Variants in OLFML2A observed in about 807,000 individuals in gnomAD.
OLFML2A encodes olfactomedin-like protein 2A.
Under a neutral mutation model 60.9 loss-of-function variants are expected in OLFML2A, and 47 were observed. The ratio of observed to expected loss-of-function variants is 0.77; its 90% CI spans 0.61 to 0.98. OLFML2A has a LOEUF of 0.98. Among genes scored for constraint, OLFML2A ranks in the 50% least tolerant of loss-of-function variants. The probability of loss-of-function intolerance (pLI) is 0.00; values close to 1 mark genes in which losing one functional copy is unlikely to be tolerated. For synonymous variants in OLFML2A, 372 were observed against 375.0 expected, an observed-to-expected ratio of 0.99 and a Z score of 0.09; for missense variants, 922 against 879.8, an observed-to-expected ratio of 1.05 and a Z score of -0.61.
Position 124,807,900 on chromosome 9 carries a change from T to C in OLFML2A, c.1288T>C (p.Tyr430His), listed in dbSNP as rs746009495. The C allele has an allele frequency of 1.2e-6, 2 of 1,614,136 alleles. No individual in the cohort carries two copies. Among genetic ancestry groups the C allele is most frequent in the Admixed American group, 3.3e-5 (2 of 60,016 alleles). The change falls in exon 7 of 8, where the codon TAT (tyrosine) becomes CAT (histidine). Residue 430 changes from tyrosine to histidine, a missense_variant. Coordinates refer to ENST00000373580, the MANE Select transcript of OLFML2A (RefSeq NM_182487.4). ...KDPAARDDRI[Y>H]VTNYYYGNSL... ...CCCTGCAGCTCGAGACGACAGGATC[T>C]ATGTCACCAACTACTACTATGGAAA...
At chr9:124,780,044 C>T (rs553406685) in intron 1 of OLFML2A, among the ~76,000 whole-genome samples, 1 of 152,342 alleles carries the variant, frequency 6.6e-6, no homozygotes, top group South Asian at 2.1e-4. Flanking sequence ...CCTTGCTCAA[C>T]GTGTTTTCAT....
At chr9:124,796,912 A>C (rs1405763573) in intron 3 of OLFML2A, among the ~76,000 whole-genome samples, 1 of 152,244 alleles carries the variant, frequency 6.6e-6, no homozygotes, top group Non-Finnish European at 1.5e-5. Context: ...CCCCAAAAGC[A>C]AACAGCTATC....
intron 2 of OLFML2A, among the ~76,000 whole-genome samples, chr9:124,791,147 G>A (rs914681969): frequency 6.6e-6 from 1 of 152,188 alleles, no homozygotes. Flanking sequence ...TGTGGCCAAG[G>A]GACATCCCAG....
Position 124,799,395 on chromosome 9 carries a change from C to T in OLFML2A, c.573C>T (p.Ile191=). The stretch of plus-strand genomic sequence containing the variant: ...ATCACTCTGCCATCATGCTGGGCAT[C>T]AAGAAGGAGCTGTCCCGCCTGGGCC... ...YENHSAIMLG[I]KKELSRLGLQ... Residue 191 remains isoleucine, a synonymous_variant, in exon 4 of 8, where the codon ATC becomes ATT. Transcript: ENST00000373580. 6.2e-7 allele frequency: 1 copy of T among 1,613,914 alleles called. No individual in the cohort carries two copies. The highest frequency in any genetic ancestry group is 8.5e-7 in the Non-Finnish European group (1 of 1,179,990).
Position 124,813,928 on chromosome 9 carries a change from A to G in OLFML2A, c.*3516A>G, listed in dbSNP as rs1842069487. The G allele has an allele frequency of 6.6e-6, 1 of 152,144 alleles. No homozygotes were observed. The highest frequency in any genetic ancestry group is 1.5e-5 in the Non-Finnish European group (1 of 68,032). The allele number at this position is 152,144 out of a possible 1,614,324, so 9.4% of individuals were successfully genotyped here. Reference sequence around the variant, plus strand: ...GCTTTTGGCAAAAGGTACTTCAAACAAGGGAGGGCCTGGACTGAGGGGGAC... The same window carrying G: ...GCTTTTGGCAAAAGGTACTTCAAACGAGGGAGGGCCTGGACTGAGGGGGAC... On this transcript the variant is annotated 3_prime_UTR_variant, in exon 8 of 8. Coordinates refer to ENST00000373580, the MANE Select transcript of OLFML2A (RefSeq NM_182487.4).
chr9:124,813,597 C>T lies in OLFML2A; in HGVS notation c.*3185C>T, dbSNP rs1842061973. 6.6e-6 allele frequency: 1 copy of T among 152,210 alleles called. No individual in the cohort carries two copies. The highest frequency in any genetic ancestry group is 1.5e-5 in the Non-Finnish European group (1 of 68,054). The allele number at this position is 152,210 out of a possible 1,614,324, so 9.4% of individuals were successfully genotyped here. A position where few individuals can be genotyped will look rare whatever the true frequency, so the allele number is the denominator to read the frequency against. On this transcript the variant is annotated 3_prime_UTR_variant, in exon 8 of 8. Coordinates refer to ENST00000373580, the MANE Select transcript of OLFML2A (RefSeq NM_182487.4). The stretch of plus-strand genomic sequence containing the variant: ...CAGAAACGGAGGCTGTTGCTTTTAT[C>T]CCTAAACTGCATCCACAGAGAAGCC...
At position 124,780,659 on chromosome 9, in the gene OLFML2A, C is replaced by T. The variant is rs118092321; in HGVS notation, c.90+3299C>T. On this transcript the variant is annotated intron_variant, in intron 1 of 7. Coordinates refer to ENST00000373580, the MANE Select transcript of OLFML2A (RefSeq NM_182487.4). ...GACTGTGAGGCCAGGCCAAGCCCTA[C>T]TGGGTGTCTCTGCAAGGAGGGTCTT... 1.1e-4 allele frequency among the ~76,000 whole-genome samples: 17 copies of T among 152,348 alleles called. No individual in the cohort carries two copies. The East Asian group carries it at 3.3e-3, about 29-fold the overall frequency.
At position 124,795,026 on chromosome 9, in the gene OLFML2A, G is replaced by A. The variant is rs775386285; in HGVS notation, c.357G>A (p.Leu119=). 16 of 1,588,238 alleles carry A rather than the reference G, an allele frequency of 1.0e-5. No individual in the cohort carries two copies. The highest frequency in any genetic ancestry group is 1.1e-5 in the South Asian group (1 of 88,484). ...LKKQAPELLK[L]QSMVDLLEGT... is the part of the protein sequence containing the mutation. ...AACCATCCCCCTTCCCCGGGCAGCT[G>A]CAGTCCATGGTGGATCTCCTGGAGG... Residue 119 remains leucine, a splice_region_variant and synonymous_variant, in exon 3 of 8, where the codon CTG becomes CTA. Transcript: ENST00000373580.
chr9:124,779,635 G>A lies in OLFML2A; in HGVS notation c.90+2275G>A, dbSNP rs996260350. Among the ~76,000 whole-genome samples the A allele has an allele frequency of 6.6e-6, 1 of 152,048 alleles. No individual in the cohort carries two copies. The highest frequency in any genetic ancestry group is 2.4e-5 in the African/African-American group (1 of 41,404). On this transcript the variant is annotated intron_variant, in intron 1 of 7. Transcript: ENST00000373580. The surrounding 1 kb of genome is among the most constrained non-coding windows in gnomAD (Gnocchi z 4.1). ...TAGAGCTTGCAGGATGAACAGCTGG[G>A]GGACTCAGCACAGCCCTCCCCCAGA...
intron 3 of OLFML2A, among the ~76,000 whole-genome samples, chr9:124,798,726 C>CAAAA (rs59669639): frequency 3.2e-4 from 21 of 65,164 alleles, no homozygotes; most frequent in African/African-American, 1.0e-3. Context: ...CCCAGCTACT[C>CAAAA]AAAAAAAAAA....
At chr9:124,799,879 A>G (rs1019085721) in intron 4 of OLFML2A, among the ~76,000 whole-genome samples, 3 of 152,182 alleles carry the variant, frequency 2.0e-5, no homozygotes, top group African/African-American at 4.8e-5. Flanking sequence ...GGCTGGGTTG[A>G]GCCTGCTCAG....
rs148780393 is a variant in OLFML2A, at chr9:124,788,592, G to A, written c.354+1354G>A. Among the ~76,000 whole-genome samples, 12 of 152,288 alleles carry A rather than the reference G, an allele frequency of 7.9e-5. No homozygotes were observed. In the East Asian group the frequency reaches 2.3e-3, roughly 29 times the overall value. On this transcript the variant is annotated intron_variant, in intron 2 of 7. Coordinates refer to ENST00000373580, the MANE Select transcript of OLFML2A (RefSeq NM_182487.4). Reference sequence around the variant, plus strand: ...TTGCACTCCAGCTTGGGCAACAAGAGCAAGACTCCATCTCAAAAAAAAGAA... The same window carrying A: ...TTGCACTCCAGCTTGGGCAACAAGAACAAGACTCCATCTCAAAAAAAAGAA...
At chr9:124,793,720 T>TG (rs1841610582) in intron 2 of OLFML2A, among the ~76,000 whole-genome samples, 1 of 152,154 alleles carries the variant, frequency 6.6e-6, no homozygotes, top group South Asian at 2.1e-4. Flanking sequence ...CATGTGCAAG[T>TG]GATTTATTTT....
intron 2 of OLFML2A, among the ~76,000 whole-genome samples, chr9:124,790,314 C>A (rs1229438515): frequency 1.3e-5 from 2 of 152,084 alleles, no homozygotes; most frequent in Non-Finnish European, 1.5e-5. Context: ...GGATTACAGG[C>A]GTTCGCCACC....
intron 2 of OLFML2A, among the ~76,000 whole-genome samples, chr9:124,791,574 T>A (rs1431098538): frequency 6.6e-6 from 1 of 151,656 alleles, no homozygotes; most frequent in Non-Finnish European, 1.5e-5. Context: ...CTGTCTCTAC[T>A]AAAAATACAA....
At chr9:124,801,038 A>T in intron 4 of OLFML2A, 1 of 1,551,564 alleles carries the variant, frequency 6.4e-7, no homozygotes, top group Non-Finnish European at 8.7e-7. Flanking sequence ...CTGCCCACGT[A>T]CTAAGACCAA....
At chr9:124,793,972 G>A (rs895158750) in intron 2 of OLFML2A, among the ~76,000 whole-genome samples, 5 of 152,290 alleles carry the variant, frequency 3.3e-5, no homozygotes, top group Admixed American at 2.0e-4. Context: ...TCAGTAGTTC[G>A]AGGCTGCAGT....
chr9:124,807,677 T>G (rs1450489136), intron 6 of OLFML2A, 104 bp from the exon 7 acceptor site: 12 of 866,030 alleles, frequency 1.4e-5, no homozygotes, highest in Non-Finnish European at 2.0e-5. Flanking sequence ...AAACAAAATT[T>G]CAGGAGAGAT....
In OLFML2A at chr9:124,807,907, C is replaced by A; in HGVS notation, c.1295C>A (p.Thr432Asn). ...GCTCGAGACGACAGGATCTATGTCA[C>A]CAACTACTACTATGGAAACAGCCTG... is the stretch of plus-strand genomic sequence containing the variant. Reference protein sequence around the residue: ...PAARDDRIYVTNYYYGNSLVE... With the variant: ...PAARDDRIYVNNYYYGNSLVE... Residue 432 changes from threonine (T) to asparagine (N), a missense_variant, in exon 7 of 8, where the codon ACC (threonine) becomes AAC (asparagine). Physicochemically the swap from Thr to Asn is moderately conservative, Grantham distance 65. Coordinates refer to ENST00000373580, the MANE Select transcript of OLFML2A (RefSeq NM_182487.4). 6.2e-7 allele frequency: 1 copy of A among 1,614,152 alleles called. No homozygotes were observed. Among genetic ancestry groups the A allele is most frequent in the Non-Finnish European group, 8.5e-7 (1 of 1,180,006 alleles).
Sources: allele counts gnomAD v4.1 joint callset (sites outside exome capture counted in the v4.1 genomes callset), GRCh38; gene constraint gnomAD v4.1.1; non-coding constraint Gnocchi (gnomAD v3.1); transcripts MANE v1.5; gene names NCBI Gene and HGNC (gene_info 2026-07-23, HGNC 2026-07-21).